The following PHKB variants were observed in gnomAD, a reference collection of about 807,000 sequenced individuals.
PHKB encodes phosphorylase kinase regulatory subunit beta.
In PHKB, 122 loss-of-function variants were observed where a neutral mutation model predicts 152.1. That is an observed-to-expected ratio of 0.80 (90% CI 0.69 to 0.93). The LOEUF is 0.93. Among genes scored for constraint, PHKB ranks in the 40% least tolerant of loss-of-function variants. The pLI is 0.00. For missense variants in PHKB, 1,304 were observed against 1,328.4 expected (o/e 0.98, Z 0.29); for synonymous variants, 436 against 464.9 (o/e 0.94, Z 0.80).
chr16:47,472,954 A>G lies in PHKB; in HGVS notation c.76+11528A>G, dbSNP rs543100955. 2.0e-5 allele frequency among the ~76,000 whole-genome samples: 3 copies of G among 152,080 alleles called. No individual in the cohort carries two copies. In the East Asian group the frequency reaches 5.8e-4, roughly 29 times the overall value. On this transcript the variant is annotated intron_variant, in intron 1 of 30. Transcript: ENST00000323584. Reference sequence around the variant, plus strand: ...TGTCTCAAAAATAAATAAAAAGAAAACAAGTAATAGAAAATTGTAACTGCA... The same window carrying G: ...TGTCTCAAAAATAAATAAAAAGAAAGCAAGTAATAGAAAATTGTAACTGCA...
intron 7 of PHKB, among the ~76,000 whole-genome samples, chr16:47,560,336 G>C (rs1483254002): frequency 1.3e-5 from 2 of 152,138 alleles, no homozygotes; most frequent in Non-Finnish European, 2.9e-5. Context: ...GATATTAAAG[G>C]AGACCTAAAT....
chr16:47,674,347 A>G (rs1973690303), intron 26 of PHKB, among the ~76,000 whole-genome samples: 1 of 152,212 alleles, frequency 6.6e-6, no homozygotes, highest in Non-Finnish European at 1.5e-5. Flanking sequence ...TACAGTAGAT[A>G]TATTGTGTTG....
intron 7 of PHKB, chr16:47,561,206 T>C (rs1166929699): frequency 6.6e-6 from 1 of 152,236 alleles, no homozygotes; most frequent in African/African-American, 2.4e-5. Flanking sequence ...CAAATGTGAC[T>C]ATGGAGATTT....
chr16:47,661,099 G>C (rs761168723), intron 22 of PHKB, among the ~76,000 whole-genome samples: 14 of 152,072 alleles, frequency 9.2e-5, no homozygotes, highest in Non-Finnish European at 1.5e-4. Context: ...GTTGCCTTTG[G>C]GTTCTCCAGA....
intron 6 of PHKB, chr16:47,529,715 G>C (rs1226475035): frequency 6.6e-6 from 1 of 152,172 alleles, no homozygotes; most frequent in Non-Finnish European, 1.5e-5. Flanking sequence ...TCATTGGCCA[G>C]AACTTGGTCA....
intron 13 of PHKB, among the ~76,000 whole-genome samples, chr16:47,609,974 T>C (rs1172907374): frequency 6.6e-6 from 1 of 151,824 alleles, no homozygotes; most frequent in East Asian, 1.9e-4. Flanking sequence ...TTGCTCTTTT[T>C]CATCCACTGT....
intron 7 of PHKB, among the ~76,000 whole-genome samples, chr16:47,562,940 G>A (rs1025305389): frequency 2.0e-5 from 3 of 152,118 alleles, no homozygotes; most frequent in African/African-American, 7.2e-5. Flanking sequence ...ATTCACAGCT[G>A]TTTACCAGGG....
intron 22 of PHKB, among the ~76,000 whole-genome samples, chr16:47,661,444 T>A (rs960661710): frequency 6.6e-6 from 1 of 152,198 alleles, no homozygotes; most frequent in Non-Finnish European, 1.5e-5. Flanking sequence ...TCATTACTTA[T>A]CTTGTTTTCT....
chr16:47,696,291 A>G, intron 28 of PHKB, 90 bp from the exon 29 acceptor site: 1 of 762,842 alleles, frequency 1.3e-6, no homozygotes, highest in South Asian at 1.4e-5. Context: ...AAAACTGAAA[A>G]CTATTAATGA....
intron 28 of PHKB, among the ~76,000 whole-genome samples, chr16:47,695,571 T>C (rs1974132802): frequency 6.6e-6 from 1 of 152,208 alleles, no homozygotes; most frequent in Non-Finnish European, 1.5e-5. Context: ...TTTTGAGTGG[T>C]AAGTAGATAG....
chr16:47,507,255 G>T (rs894544514), intron 4 of PHKB, among the ~76,000 whole-genome samples: 5 of 146,544 alleles, frequency 3.4e-5, no homozygotes, highest in African/African-American at 1.0e-4. Flanking sequence ...GGTTACAGGC[G>T]TGAGCCACCA....
intron 24 of PHKB, chr16:47,664,051 A>G (rs2151738386): frequency 2.9e-6 from 1 of 342,206 alleles, no homozygotes; most frequent in East Asian, 5.9e-5. Flanking sequence ...TTAATTTAGG[A>G]AACCTGTTCT....
chr16:47,462,742 T>C (rs1273499764), intron 1 of PHKB: 1 of 151,806 alleles, frequency 6.6e-6, no homozygotes, highest in Non-Finnish European at 1.5e-5. Context: ...TTTTTTTTTT[T>C]TTTTTTTGGA....
chr16:47,470,663 C>T (rs536895446), intron 1 of PHKB, among the ~76,000 whole-genome samples: 1 of 152,306 alleles, frequency 6.6e-6, no homozygotes, highest in Non-Finnish European at 1.5e-5. Context: ...GTCACCCAAA[C>T]TCTGGCAGAC....
intron 6 of PHKB, among the ~76,000 whole-genome samples, chr16:47,537,056 T>C (rs1264590999): frequency 2.0e-5 from 3 of 152,224 alleles, no homozygotes; most frequent in African/African-American, 7.2e-5. Context: ...GAAGATTATA[T>C]AGAGGATTTG....
chr16:47,480,767 T>A (rs1299882658), intron 1 of PHKB, among the ~76,000 whole-genome samples: 3 of 152,216 alleles, frequency 2.0e-5, no homozygotes, highest in Non-Finnish European at 2.9e-5. Context: ...AAAATTTTAA[T>A]AGACGTAATG....
rs148263077 is a variant in PHKB, at chr16:47,696,270, A to C, written c.2896-111A>C. The C allele has an allele frequency of 3.7e-4, 270 of 726,166 alleles. No individual in the cohort carries two copies. In the East Asian group the frequency reaches 7.2e-3, roughly 19 times the overall value. 45.0% of individuals were successfully genotyped at this position (726,166 alleles called of 1,614,324 possible). ...AGTTGTGTAGCTGAAAATGTTCTCC[A>C]AGGTTTTATAAAAACTGAAAACTAT... On this transcript the variant is annotated intron_variant, in intron 28 of 30. Coordinates refer to ENST00000323584, the MANE Select transcript of PHKB (RefSeq NM_000293.3).
At chr16:47,616,526 TA>T (rs1972518717) in intron 14 of PHKB, among the ~76,000 whole-genome samples, 2 of 145,690 alleles carry the variant, frequency 1.4e-5, no homozygotes, top group Non-Finnish European at 3.0e-5. Flanking sequence ...AATATATATT[TA>T]TAATATATAA....
intron 6 of PHKB, among the ~76,000 whole-genome samples, chr16:47,543,470 TC>T (rs1971100484): frequency 2.0e-5 from 3 of 152,136 alleles, no homozygotes; most frequent in African/African-American, 7.2e-5. Flanking sequence ...CTCTTTTTTT[TC>T]TTGTGTCTGC....
Sources: allele counts gnomAD v4.1 joint callset (sites outside exome capture counted in the v4.1 genomes callset), GRCh38; gene constraint gnomAD v4.1.1; transcripts MANE v1.5; gene names NCBI Gene and HGNC (gene_info 2026-07-23, HGNC 2026-07-21).